Variants in MTHFSD observed in about 807,000 individuals in gnomAD.
MTHFSD encodes the protein methenyltetrahydrofolate synthetase domain containing.
In MTHFSD, 37 loss-of-function variants were observed where a neutral mutation model predicts 31.1. The ratio of observed to expected loss-of-function variants is 1.19; its 90% CI spans 0.91 to 1.56. The LOEUF is 1.56. Ranked by LOEUF, MTHFSD falls within the 40% of genes most tolerant of loss-of-function variation. The pLI is 0.00. For missense variants in MTHFSD, 664 were observed against 510.1 expected, an observed-to-expected ratio of 1.30 and a Z score of -2.91; for synonymous variants, 221 against 206.9, an observed-to-expected ratio of 1.07 and a Z score of -0.59.
rs562650464 is a variant in MTHFSD at position 86,538,378 on chromosome 16, T to A, written c.681+3319A>T. 2.0e-5 allele frequency among the ~76,000 whole-genome samples: 3 copies of A among 152,292 alleles called. No individual in the cohort carries two copies. The East Asian group carries it at 5.8e-4, about 29-fold the overall frequency. ...CCACAGAGGCTTCACCTGCTGCTGC[T>A]GTCCAGGTGCTCACTCGGGTCCAGC... is the stretch of plus-strand genomic sequence containing the variant. On this transcript the variant is annotated intron_variant, in intron 7 of 7. Coordinates refer to ENST00000360900, the MANE Select transcript of MTHFSD (RefSeq NM_001159377.2).
Position 86,541,680 on chromosome 16 carries a change from C to A in MTHFSD, c.681+17G>T, listed in dbSNP as rs779583611. The A allele has an allele frequency of 6.8e-6, 11 of 1,609,146 alleles. No homozygotes were observed. The highest frequency in any genetic ancestry group is 9.3e-6 in the Non-Finnish European group (11 of 1,177,944). The stretch of plus-strand genomic sequence containing the variant: ...CCGCTAAGCTACAGGCCAGAGCTGG[C>A]CACTGCCGTGACCCACCTTGAACCA... On this transcript the variant is annotated intron_variant, in intron 7 of 7. Coordinates refer to ENST00000360900, the MANE Select transcript of MTHFSD (RefSeq NM_001159377.2).
intron 4 of MTHFSD, chr16:86,548,004 C>G: frequency 7.8e-7 from 1 of 1,276,088 alleles, no homozygotes; most frequent in Non-Finnish European, 1.0e-6. Context: ...TCAAGAAAAT[C>G]TTAAATATGT....
intron 2 of MTHFSD, chr16:86,553,800 T>A (rs1287751113): frequency 2.0e-5 from 3 of 153,146 alleles, no homozygotes; most frequent in Non-Finnish European, 4.4e-5. Flanking sequence ...ATCTGCTGGG[T>A]GAAGTCAGCT....
chr16:86,551,324 G>C (rs1210170750), intron 3 of MTHFSD, among the ~76,000 whole-genome samples: 1 of 152,106 alleles, frequency 6.6e-6, no homozygotes, highest in African/African-American at 2.4e-5. Flanking sequence ...TGCTCTAACC[G>C]ATACCTTTTG....
At chr16:86,549,829 C>T (rs538439905) in intron 3 of MTHFSD, among the ~76,000 whole-genome samples, 7 of 152,392 alleles carry the variant, frequency 4.6e-5, no homozygotes, top group African/African-American at 1.2e-4. Context: ...CCTCGGAGTA[C>T]TGATTGAACA....
chr16:86,541,849 G>C, intron 6 of MTHFSD, 27 bp from the exon 7 acceptor site: 1 of 1,612,764 alleles, frequency 6.2e-7, no homozygotes, highest in Non-Finnish European at 8.5e-7. Flanking sequence ...GGGATAAAGG[G>C]GCTGCTGGGA....
rs1433288415 is a variant in MTHFSD at position 86,555,170 on chromosome 16, T to A, written c.15A>T (p.Ala5=). 1 of 1,534,914 alleles carries A rather than the reference T, an allele frequency of 6.5e-7. No individual in the cohort carries two copies. The highest frequency in any genetic ancestry group is 2.4e-5 in the East Asian group (1 of 40,864). Residue 5 remains alanine (A), a splice_region_variant and synonymous_variant, in exon 1 of 8, where the codon GCA becomes GCT. Coordinates refer to ENST00000360900, the MANE Select transcript of MTHFSD (RefSeq NM_001159377.2). ...CCGGAGCCCCGCCAGGCCCCCCACC[T>A]GCCCTCGGCTCCATGGTGATGCAGT... The part of the protein sequence containing the change: MEPR[A]VGVSKQDIRE...
chr16:86,542,943 C>A lies in MTHFSD; in HGVS notation c.443-730G>T, dbSNP rs1183488480. Among the ~76,000 whole-genome samples the A allele has an allele frequency of 6.6e-6, 1 of 152,178 alleles. No individual in the cohort carries two copies. Among genetic ancestry groups the A allele is most frequent in the African/African-American group, 2.4e-5 (1 of 41,446 alleles). On this transcript the variant is annotated intron_variant, in intron 5 of 7. Transcript: ENST00000360900. This position sits in a 1 kb window ranked among gnomAD's most constrained non-coding sequence, Gnocchi z 4.6. ...TGAGAAGCCTGAGGCACTTCAGAAACTGAGGCCAGCGAGTGCCACCAGCAG... is the reference window on the plus strand; with the variant it reads ...TGAGAAGCCTGAGGCACTTCAGAAAATGAGGCCAGCGAGTGCCACCAGCAG...
intron 4 of MTHFSD, chr16:86,548,151 C>A (rs1157503332): frequency 4.6e-6 from 6 of 1,295,558 alleles, no homozygotes; most frequent in Non-Finnish European, 6.1e-6. Flanking sequence ...CTCCACAATA[C>A]TGAACATCGC....
intron 7 of MTHFSD, 25 bp from the exon 8 acceptor site, chr16:86,532,506 C>T: frequency 1.4e-6 from 2 of 1,388,702 alleles, no homozygotes. Context: ...AGTTGCAGCT[C>T]TTTCAGGGAC....
intron 4 of MTHFSD, among the ~76,000 whole-genome samples, 168 bp downstream of exon 4, chr16:86,548,296 C>G (rs1032877169): frequency 6.6e-6 from 1 of 152,196 alleles, no homozygotes. Context: ...CTCAGTTTTC[C>G]CACGTGGCTC....
chr16:86,544,022 C>T (rs112404797), intron 5 of MTHFSD, among the ~76,000 whole-genome samples: 16 of 152,274 alleles, frequency 1.1e-4, no homozygotes, highest in Non-Finnish European at 1.6e-4. Context: ...GAGATGGGAC[C>T]GTCTAGTTGC....
At chr16:86,543,688 G>C (rs1971854020) in intron 5 of MTHFSD, among the ~76,000 whole-genome samples, 1 of 152,180 alleles carries the variant, frequency 6.6e-6, no homozygotes, top group African/African-American at 2.4e-5. Flanking sequence ...GCAGAAAAGG[G>C]ATATCTATAC....
rs1202118868 is a variant in MTHFSD at position 86,555,197 on chromosome 16, G to C, written c.-13C>G. 6.5e-7 allele frequency: 1 copy of C among 1,536,682 alleles called. No individual in the cohort carries two copies. The highest frequency in any genetic ancestry group is 8.7e-7 in the Non-Finnish European group (1 of 1,146,502). On this transcript the variant is annotated 5_prime_UTR_variant, in exon 1 of 8. Transcript: ENST00000360900. The stretch of plus-strand genomic sequence containing the variant: ...CCCTCGGCTCCATGGTGATGCAGTC[G>C]CTGTGCGACGCTTCCCGGCGCAGGT...
chr16:86,548,443 G>T, intron 4 of MTHFSD, 21 bp downstream of exon 4: 1 of 1,575,328 alleles, frequency 6.3e-7, no homozygotes, highest in South Asian at 1.1e-5. Flanking sequence ...CCTAGGTGGG[G>T]ACATTGCTTC....
chr16:86,554,328 C>T (rs1452393833), intron 2 of MTHFSD, among the ~76,000 whole-genome samples: 1 of 152,170 alleles, frequency 6.6e-6, no homozygotes, highest in Non-Finnish European at 1.5e-5. Flanking sequence ...AGACACGCTG[C>T]CTTTAAAAAC....
At chr16:86,555,146 C>T (rs762846872) in intron 1 of MTHFSD, 23 bp downstream of exon 1, 22 of 1,534,424 alleles carry the variant, frequency 1.4e-5, no homozygotes, top group Non-Finnish European at 1.9e-5. Flanking sequence ...CCAGCCGCCC[C>T]GGAGCCCCGC....
At chr16:86,550,538 A>G (rs1377451594) in intron 3 of MTHFSD, among the ~76,000 whole-genome samples, 5 of 152,176 alleles carry the variant, frequency 3.3e-5, no homozygotes, top group African/African-American at 1.2e-4. Flanking sequence ...CTGTACTGAG[A>G]CTGATGTGCG....
intron 5 of MTHFSD, among the ~76,000 whole-genome samples, chr16:86,544,606 T>C (rs966033776): frequency 6.6e-6 from 1 of 152,162 alleles, no homozygotes; most frequent in African/African-American, 2.4e-5. Flanking sequence ...ACACTGTTGG[T>C]GGGAAGGTAA....
Sources: allele counts gnomAD v4.1 joint callset (sites outside exome capture counted in the v4.1 genomes callset), GRCh38; gene constraint gnomAD v4.1.1; non-coding constraint Gnocchi (gnomAD v3.1); transcripts MANE v1.5; gene names NCBI Gene and HGNC (gene_info 2026-07-23, HGNC 2026-07-21).